Variants in UBE2U observed in about 807,000 individuals in gnomAD.
The protein encoded by UBE2U is ubiquitin conjugating enzyme E2 U.
In UBE2U, 39 loss-of-function variants were observed where a neutral mutation model predicts 41.2. That is an observed-to-expected ratio of 0.95 (90% CI 0.73 to 1.24). UBE2U has a LOEUF of 1.24. Among genes scored for constraint, UBE2U ranks in the 50% most tolerant of loss-of-function variants. UBE2U has a pLI of 0.00. For missense variants in UBE2U, 336 were observed against 363.1 expected, an observed-to-expected ratio of 0.93 and a Z score of 0.61; for synonymous variants, 107 against 117.8, an observed-to-expected ratio of 0.91 and a Z score of 0.60.
At chr1:64,219,348 CT>C in intron 5 of UBE2U, among the ~76,000 whole-genome samples, 1 of 151,814 alleles carries the variant, frequency 6.6e-6, no homozygotes, top group East Asian at 1.9e-4. Flanking sequence ...TTTAAACCTT[CT>C]TTTTATTCCC....
In UBE2U at chr1:64,239,062, A is replaced by AGAG. The variant is rs1239139448; in HGVS notation, c.596-2588_596-2587insGGA. Among the ~76,000 whole-genome samples the AGAG allele has an allele frequency of 1.5e-4, 11 of 71,322 alleles. No individual in the cohort carries two copies. In the East Asian group the frequency reaches 1.6e-3, roughly 10 times the overall value. The allele number at this position is 71,322 out of a possible 152,430, so 46.8% of individuals were successfully genotyped here. The stretch of plus-strand genomic sequence containing the variant: ...CATCTCAAAAAGAAGAAGAAGAAGA[A>AGAG]GAAGAGGAAGAGGAAGAGGAAGAGG... On this transcript the variant is annotated intron_variant, in intron 7 of 9. Transcript: ENST00000371077.
At chr1:64,207,613 C>CT (rs1239389367) in intron 3 of UBE2U, among the ~76,000 whole-genome samples, 2 of 151,986 alleles carry the variant, frequency 1.3e-5, no homozygotes, top group Non-Finnish European at 2.9e-5. Flanking sequence ...GACAGATTAA[C>CT]TTTTTTTAAA....
Position 64,221,398 on chromosome 1 carries a change from C to T in UBE2U, c.506+491C>T, listed in dbSNP as rs543536524. ...AAAGTGCTGGGATTACAGACGTGAG[C>T]CACTGTGCCCGGCCGATCTTGCCTT... is the stretch of plus-strand genomic sequence containing the variant. On this transcript the variant is annotated intron_variant, in intron 6 of 9. Coordinates refer to ENST00000371077, the MANE Select transcript of UBE2U (RefSeq NM_001366232.2). 1.1e-4 allele frequency among the ~76,000 whole-genome samples: 16 copies of T among 152,292 alleles called. No individual in the cohort carries two copies. In the South Asian group the frequency reaches 1.7e-3, roughly 16 times the overall value.
intron 8 of UBE2U, among the ~76,000 whole-genome samples, chr1:64,248,566 C>CTTGT (rs1019446657): frequency 1.7e-5 from 2 of 119,126 alleles, no homozygotes; most frequent in Non-Finnish European, 4.0e-5. Context: ...TTTCATTTTA[C>CTTGT]TTGTTTTTTT....
chr1:64,216,210 C>T (rs559801219), intron 5 of UBE2U, among the ~76,000 whole-genome samples: 12 of 152,250 alleles, frequency 7.9e-5, no homozygotes, highest in East Asian at 3.9e-4. Context: ...CTTTATTCTA[C>T]GACAAAGTTC....
chr1:64,250,133 TGAAA>T (rs1644983038), intron 8 of UBE2U, among the ~76,000 whole-genome samples: 2 of 152,262 alleles, frequency 1.3e-5, no homozygotes, highest in East Asian at 3.9e-4. Flanking sequence ...TCAGAGTGCT[TGAAA>T]GAAATTATTA....
At position 64,230,135 on chromosome 1, in the gene UBE2U, A is replaced by G. The variant is rs1439895548; in HGVS notation, c.507-2426A>G. Among the ~76,000 whole-genome samples, 5 of 152,002 alleles carry G rather than the reference A, an allele frequency of 3.3e-5. No homozygotes were observed. The East Asian group carries it at 9.6e-4, about 29-fold the overall frequency. ...AGTCAATTTTTTAGCATTGCCTTCA[A>G]CTCATCTCCTCCCTTTCATAACATT... On this transcript the variant is annotated intron_variant, in intron 6 of 9. Transcript: ENST00000371077.
chr1:64,252,066 G>T (rs11578170), intron 8 of UBE2U, among the ~76,000 whole-genome samples: 50 of 152,356 alleles, frequency 3.3e-4, no homozygotes, highest in African/African-American at 1.2e-3. Context: ...CAGCCTGCCA[G>T]CTCTGGAGAG....
intron 9 of UBE2U, among the ~76,000 whole-genome samples, chr1:64,263,609 A>G (rs929303823): frequency 2.6e-5 from 4 of 152,228 alleles, no homozygotes; most frequent in African/African-American, 9.6e-5. Flanking sequence ...GTTATTATGT[A>G]GCGAGAATGA....
chr1:64,243,603 A>C (rs2100469062), intron 8 of UBE2U, among the ~76,000 whole-genome samples: 1 of 152,316 alleles, frequency 6.6e-6, no homozygotes, highest in African/African-American at 2.4e-5. Context: ...AGGAAATGTA[A>C]ATTGAGAACC....
At chr1:64,246,328 T>C (rs1047202583) in intron 8 of UBE2U, among the ~76,000 whole-genome samples, 3 of 152,214 alleles carry the variant, frequency 2.0e-5, no homozygotes, top group Non-Finnish European at 4.4e-5. Context: ...AAGTAATCTT[T>C]CTTTTGGTAT....
At chr1:64,256,911 G>A (rs1226775566) in intron 8 of UBE2U, among the ~76,000 whole-genome samples, 4 of 148,154 alleles carry the variant, frequency 2.7e-5, no homozygotes, top group Admixed American at 6.7e-5. Flanking sequence ...AAATTTACAG[G>A]AAAAAAAAAA....
At chr1:64,211,262 T>C (rs1477903502) in intron 4 of UBE2U, among the ~76,000 whole-genome samples, 4 of 152,140 alleles carry the variant, frequency 2.6e-5, no homozygotes, top group Non-Finnish European at 4.4e-5. Flanking sequence ...TTTTGTTTTT[T>C]GTTTCTGACA....
intron 5 of UBE2U, among the ~76,000 whole-genome samples, chr1:64,219,650 T>G (rs1569993119): frequency 6.6e-6 from 1 of 151,744 alleles, no homozygotes; most frequent in South Asian, 2.1e-4. Flanking sequence ...TGGAGTGCAG[T>G]GGTGCGGCAA....
intron 8 of UBE2U, among the ~76,000 whole-genome samples, chr1:64,255,086 A>G (rs1312258473): frequency 6.6e-6 from 1 of 152,172 alleles, no homozygotes; most frequent in African/African-American, 2.4e-5. Flanking sequence ...GATAAGGGAG[A>G]TATCACCACT....
chr1:64,217,375 A>G lies in UBE2U; in HGVS notation c.457+2443A>G, dbSNP rs568585823. On this transcript the variant is annotated intron_variant, in intron 5 of 9. Transcript: ENST00000371077. Reference sequence around the variant, plus strand: ...GAGGAGGAAGGTCTGGAGACAATGTATAACAACTGTTTGCCTCATAGATTC... The same window carrying G: ...GAGGAGGAAGGTCTGGAGACAATGTGTAACAACTGTTTGCCTCATAGATTC... 1.3e-3 allele frequency among the ~76,000 whole-genome samples: 195 copies of G among 152,340 alleles called. 1 individual carries two copies. Among genetic ancestry groups the G allele is most frequent in the African/African-American group, 4.5e-3 (189 of 41,572 alleles).
intron 1 of UBE2U, among the ~76,000 whole-genome samples, chr1:64,204,734 G>A (rs374696007): frequency 6.6e-6 from 1 of 152,200 alleles, no homozygotes; most frequent in African/African-American, 2.4e-5. Context: ...AAGAGGGGGC[G>A]AAGAGGGAGT....
At chr1:64,263,164 T>G (rs1195265361) in intron 9 of UBE2U, among the ~76,000 whole-genome samples, 1 of 152,158 alleles carries the variant, frequency 6.6e-6, no homozygotes, top group Non-Finnish European at 1.5e-5. Context: ...AATAGACTCC[T>G]TTCTGTCTAC....
chr1:64,231,623 A>G (rs1644567778), intron 6 of UBE2U, among the ~76,000 whole-genome samples: 1 of 152,246 alleles, frequency 6.6e-6, no homozygotes, highest in African/African-American at 2.4e-5. Flanking sequence ...AAATAAATGA[A>G]TGAATTAACA....
Sources: gnomAD v4.1 joint callset for allele counts (sites outside exome capture counted in the v4.1 genomes callset) on GRCh38, gnomAD v4.1.1 for gene constraint, MANE v1.5 for transcripts, NCBI Gene and HGNC (gene_info 2026-07-23, HGNC 2026-07-21) for gene names.